SEMA4D: variants seen among roughly 807,000 people sequenced by gnomAD.
SEMA4D encodes the protein semaphorin-4D.
Under a neutral mutation model 74.8 loss-of-function variants are expected in SEMA4D, and 22 were observed. That is an observed-to-expected ratio of 0.29 (90% CI 0.21 to 0.42). The LOEUF (loss-of-function observed/expected upper bound fraction) is 0.42, where lower values mean the gene tolerates loss of function less well. Ranked by LOEUF, SEMA4D falls within the 10% of genes least tolerant of loss-of-function variation. SEMA4D has a pLI of 1.00. For missense variants in SEMA4D, 937 were observed against 1,118.4 expected (o/e 0.84, Z 2.31); for synonymous variants, 445 against 463.7 (o/e 0.96, Z 0.52).
chr9:89,449,842 A>T (rs1257362725), intron 2 of SEMA4D: 8 of 1,506,508 alleles, frequency 5.3e-6, no homozygotes, highest in Non-Finnish European at 7.4e-6. Context: ...TTGAAGAGAG[A>T]CCAGGATTAT....
At chr9:89,496,526 C>T (rs1187954561) in intron 1 of SEMA4D, among the ~76,000 whole-genome samples, 1 of 152,208 alleles carries the variant, frequency 6.6e-6, no homozygotes, top group African/African-American at 2.4e-5. Context: ...GGAGGGCAGT[C>T]TTTGCTCACA....
intron 1 of SEMA4D, among the ~76,000 whole-genome samples, chr9:89,491,670 C>T (rs1464706454): frequency 3.3e-5 from 5 of 152,170 alleles, no homozygotes; most frequent in African/African-American, 4.8e-5. Flanking sequence ...GGTGCAATGC[C>T]GCTGGTGCGG....
chr9:89,404,193 T>C (rs772878184), intron 3 of SEMA4D, among the ~76,000 whole-genome samples: 5 of 152,132 alleles, frequency 3.3e-5, no homozygotes, highest in South Asian at 2.1e-4. Context: ...GAAAGGAAAG[T>C]AGCTGGCATG....
chr9:89,445,080 C>T (rs1394506586), intron 2 of SEMA4D, among the ~76,000 whole-genome samples: 2 of 152,142 alleles, frequency 1.3e-5, no homozygotes, highest in African/African-American at 4.8e-5. Context: ...TGTCACTCTG[C>T]CCTTGAAGAC....
chr9:89,422,582 C>G (rs1192005499), intron 2 of SEMA4D, among the ~76,000 whole-genome samples: 4 of 152,266 alleles, frequency 2.6e-5, no homozygotes, highest in African/African-American at 7.2e-5. Flanking sequence ...GTGCGCATCC[C>G]CGTGCCGTTT....
intron 2 of SEMA4D, chr9:89,418,062 C>A (rs1215229865): frequency 1.0e-6 from 1 of 983,424 alleles, no homozygotes; most frequent in Non-Finnish European, 1.2e-6. Flanking sequence ...TTACCTGTAT[C>A]TTATGCCTCT....
At chr9:89,424,602 G>GA (rs1197539451) in intron 2 of SEMA4D, among the ~76,000 whole-genome samples, 1 of 151,844 alleles carries the variant, frequency 6.6e-6, no homozygotes, top group Non-Finnish European at 1.5e-5. Flanking sequence ...CTCTGACCAG[G>GA]ACCCTTCTCG....
At chr9:89,474,088 A>G (rs974589561) in intron 1 of SEMA4D, among the ~76,000 whole-genome samples, 1 of 152,000 alleles carries the variant, frequency 6.6e-6, no homozygotes, top group South Asian at 2.1e-4. Flanking sequence ...TCCCAGCCCA[A>G]AGGAGTTCCA....
chr9:89,371,986 G>GGGT (rs1835028154), intron 16 of SEMA4D, among the ~76,000 whole-genome samples: 3 of 52,824 alleles, frequency 5.7e-5, no homozygotes, highest in East Asian at 1.2e-3. Context: ...GTGTGTCTGG[G>GGGT]GTGTGGTGTG....
rs57394947 is a variant in SEMA4D at position 89,438,964 on chromosome 9, C to CT, written c.-244+16923dup. Among the ~76,000 whole-genome samples, 150 of 38,202 alleles carry CT rather than the reference C, an allele frequency of 3.9e-3. 8 individuals are homozygous for CT. Among genetic ancestry groups the CT allele is most frequent in the East Asian group, 0.03 (32 of 1,080 alleles). The allele number at this position is 38,202 out of a possible 152,430, so 25.1% of individuals were successfully genotyped here. ...ATAGGTGTGAGCCACCGCACCGGGC[C>CT]TTTTTTTTTTTTTTTTTTTTTTTTT... On this transcript the variant is annotated intron_variant, in intron 2 of 15. Transcript: ENST00000422704.
At chr9:89,474,322 G>T (rs531475114) in intron 1 of SEMA4D, among the ~76,000 whole-genome samples, 3 of 152,342 alleles carry the variant, frequency 2.0e-5, no homozygotes, top group Admixed American at 6.5e-5. Context: ...CCCTGTGTTT[G>T]TGCTTGAGTT....
chr9:89,474,568 G>A (rs948993903), intron 1 of SEMA4D, among the ~76,000 whole-genome samples: 36 of 152,264 alleles, frequency 2.4e-4, no homozygotes, highest in African/African-American at 7.9e-4. Flanking sequence ...TTCAGAACCC[G>A]TGGGTGATTT....
At chr9:89,473,216 C>T (rs1860859951) in intron 1 of SEMA4D, among the ~76,000 whole-genome samples, 1 of 152,186 alleles carries the variant, frequency 6.6e-6, no homozygotes, top group African/African-American at 2.4e-5. Flanking sequence ...GCTATAACAA[C>T]AACAACAACA....
intron 1 of SEMA4D, among the ~76,000 whole-genome samples, chr9:89,473,326 G>C (rs1415803761): frequency 6.6e-6 from 1 of 152,160 alleles, no homozygotes; most frequent in African/African-American, 2.4e-5. Flanking sequence ...TGTAATCCCA[G>C]CACTTTAGGA....
intron 2 of SEMA4D, among the ~76,000 whole-genome samples, chr9:89,445,554 T>G (rs1852611086): frequency 6.6e-6 from 1 of 151,968 alleles, no homozygotes; most frequent in Non-Finnish European, 1.5e-5. Context: ...CCTTGCTTTG[T>G]GGTTCTTTGG....
rs1826168427 is a variant in SEMA4D, at chr9:89,497,986, C to CA, written c.-378_-377insT. The CA allele has an allele frequency of 6.8e-6, 1 of 146,098 alleles. No individual in the cohort carries two copies. Among genetic ancestry groups the CA allele is most frequent in the East Asian group, 2.0e-4 (1 of 4,950 alleles). 9.1% of individuals were successfully genotyped at this position (146,098 alleles called of 1,614,324 possible). ...GTTCGGGCGCCAGGAATGGCGGCGG[C>CA]GGCGGCGGCGGCAGCGGCGGGAGGC... On this transcript the variant is annotated 5_prime_UTR_variant, in exon 1 of 16. Coordinates refer to ENST00000422704, the MANE Select transcript of SEMA4D (RefSeq NM_001371194.2).
chr9:89,473,210 TAAC>T (rs778633876), intron 1 of SEMA4D, among the ~76,000 whole-genome samples: 6 of 152,254 alleles, frequency 3.9e-5, no homozygotes, highest in Middle Eastern at 3.4e-3. Flanking sequence ...AGTTGTGCTA[TAAC>T]AACAACAACA....
At chr9:89,468,756 G>A (rs1031353310) in intron 1 of SEMA4D, among the ~76,000 whole-genome samples, 10 of 152,102 alleles carry the variant, frequency 6.6e-5, no homozygotes, top group African/African-American at 2.2e-4. Context: ...AGATTCTCCC[G>A]GTGTGTAATG....
intron 2 of SEMA4D, among the ~76,000 whole-genome samples, chr9:89,449,074 G>A (rs1018274636): frequency 3.9e-5 from 6 of 152,178 alleles, no homozygotes; most frequent in African/African-American, 1.2e-4. Context: ...GAAAACAAGG[G>A]AGACACAAGC....
Sources: gnomAD v4.1 joint callset for allele counts (sites outside exome capture counted in the v4.1 genomes callset) on GRCh38, gnomAD v4.1.1 for gene constraint, MANE v1.5 for transcripts, NCBI Gene and HGNC (gene_info 2026-07-23, HGNC 2026-07-21) for gene names.